The following ITGAV variants were observed in gnomAD, a reference collection of about 807,000 sequenced individuals.
ITGAV encodes the protein integrin alpha-V.
A neutral mutation model predicts 143.8 loss-of-function variants in ITGAV; 76 were observed. The observed-to-expected ratio is 0.53, with a 90% CI of 0.44 to 0.64. The LOEUF is 0.64. ITGAV is among the 30% of genes least tolerant of loss of function. The pLI is 0.00. For synonymous variants in ITGAV, 453 were observed against 446.7 expected, an observed-to-expected ratio of 1.01 and a Z score of -0.18; for missense variants, 1,193 against 1,274.7, an observed-to-expected ratio of 0.94 and a Z score of 0.98.
At chr2:186,646,559 C>T in intron 12 of ITGAV, 127 bp from the exon 13 acceptor site, 1 of 600,512 alleles carries the variant, frequency 1.7e-6, no homozygotes, top group East Asian at 2.8e-5. Flanking sequence ...ATTACAAGTA[C>T]TGAAACTTTC....
chr2:186,668,845 G>T lies in ITGAV; in HGVS notation c.2517G>T (p.Leu839Phe). The T allele has an allele frequency of 6.2e-7, 1 of 1,612,712 alleles. No individual in the cohort carries two copies. Among genetic ancestry groups the T allele is most frequent in the Non-Finnish European group, 8.5e-7 (1 of 1,178,922 alleles). ...WPYKYNNNTL[L>F]YILHYDIDGP... The stretch of plus-strand genomic sequence containing the variant: ...ACAAATATAATAATAACACTCTGTT[G>T]TATATCCTTCATTATGATATTGATG... The change falls in exon 25 of 30, where the codon TTG becomes TTT. Residue 839 changes from leucine (L) to phenylalanine (F), a missense_variant. Leu to Phe is a conservative substitution (Grantham distance 22). Coordinates refer to ENST00000261023, the MANE Select transcript of ITGAV (RefSeq NM_002210.5).
chr2:186,639,054 A>G (rs1334354482), intron 10 of ITGAV, among the ~76,000 whole-genome samples: 2 of 152,118 alleles, frequency 1.3e-5, no homozygotes, highest in African/African-American at 2.4e-5. Context: ...AACAGAAAGC[A>G]TGGCACAGAT....
At chr2:186,602,841 C>A (rs1477428459) in intron 2 of ITGAV, among the ~76,000 whole-genome samples, 1 of 147,196 alleles carries the variant, frequency 6.8e-6, no homozygotes, top group Non-Finnish European at 1.5e-5. Context: ...TGCGCCACTG[C>A]ACTCTAGCCT....
At chr2:186,613,374 A>G (rs1687270343) in intron 2 of ITGAV, among the ~76,000 whole-genome samples, 1 of 152,166 alleles carries the variant, frequency 6.6e-6, no homozygotes, top group Non-Finnish European at 1.5e-5. Context: ...TGGTAGTAAT[A>G]ACTAACTAAC....
chr2:186,641,895 C>T (rs1356712381), intron 12 of ITGAV, among the ~76,000 whole-genome samples: 1 of 152,152 alleles, frequency 6.6e-6, no homozygotes, highest in Non-Finnish European at 1.5e-5. Context: ...GTATGTGTTT[C>T]TGCATCCTGC....
rs1688105923 is a variant in ITGAV, at chr2:186,641,604, A to C, written c.1159+16A>C. 5.6e-6 allele frequency: 9 copies of C among 1,606,344 alleles called. No individual in the cohort carries two copies. The highest frequency in any genetic ancestry group is 2.2e-5 in the South Asian group (2 of 90,904). Reference sequence around the variant, plus strand: ...GGTTTCAATGGTAAGATCAAAGTTTAGCAGCTACAGGTCCCTGATTATCTG... The same window carrying C: ...GGTTTCAATGGTAAGATCAAAGTTTCGCAGCTACAGGTCCCTGATTATCTG... On this transcript the variant is annotated intron_variant, in intron 12 of 29. Transcript: ENST00000261023.
At chr2:186,638,631 C>CATGT (rs1481672332) in intron 10 of ITGAV, among the ~76,000 whole-genome samples, 166 bp downstream of exon 10, 5 of 144,794 alleles carry the variant, frequency 3.5e-5, no homozygotes, top group African/African-American at 1.3e-4. Context: ...CTCTTTTGAG[C>CATGT]GTGTGTGTGT....
At chr2:186,671,955 T>TTC (rs776159707) in intron 26 of ITGAV, among the ~76,000 whole-genome samples, 1 of 148,734 alleles carries the variant, frequency 6.7e-6, no homozygotes, top group Non-Finnish European at 1.5e-5. Flanking sequence ...CTTTTTTTTT[T>TTC]TTTTTTCTTT....
At chr2:186,608,406 C>T (rs890466819) in intron 2 of ITGAV, among the ~76,000 whole-genome samples, 1 of 152,140 alleles carries the variant, frequency 6.6e-6, no homozygotes, top group African/African-American at 2.4e-5. Context: ...TATATTCCTT[C>T]CTACAAAAAA....
At chr2:186,667,798 C>T in intron 24 of ITGAV, 22 bp downstream of exon 24, 3 of 1,498,276 alleles carry the variant, frequency 2.0e-6, no homozygotes, top group Non-Finnish European at 2.8e-6. Context: ...TTAGATTTTA[C>T]TCAAACCTCG....
intron 19 of ITGAV, 117 bp from the exon 20 acceptor site, chr2:186,664,377 C>T: frequency 1.0e-6 from 1 of 971,452 alleles, no homozygotes; most frequent in Non-Finnish European, 1.5e-6. Context: ...CTTAAAATAC[C>T]TTGAGACACT....
intron 12 of ITGAV, among the ~76,000 whole-genome samples, chr2:186,645,474 C>T (rs896724730): frequency 2.7e-5 from 4 of 149,642 alleles, no homozygotes; most frequent in African/African-American, 4.9e-5. Flanking sequence ...AACTGGATGG[C>T]GTGGGGGTGG....
chr2:186,599,734 G>A (rs1686845158), intron 1 of ITGAV, among the ~76,000 whole-genome samples: 1 of 152,208 alleles, frequency 6.6e-6, no homozygotes, highest in South Asian at 2.1e-4. Context: ...TTGAACTCCT[G>A]TAAGTACTTA....
At chr2:186,639,785 A>G (rs1051865842) in intron 10 of ITGAV, among the ~76,000 whole-genome samples, 1 of 152,176 alleles carries the variant, frequency 6.6e-6, no homozygotes, top group Non-Finnish European at 1.5e-5. Flanking sequence ...AAACATTCGA[A>G]TCATAGTGCC....
At chr2:186,670,167 C>A (rs1574503720) in intron 26 of ITGAV, among the ~76,000 whole-genome samples, 2 of 152,160 alleles carry the variant, frequency 1.3e-5, no homozygotes, top group African/African-American at 4.8e-5. Context: ...TAATAATTAG[C>A]ACTTGATTAA....
chr2:186,628,806 C>A (rs930709767), intron 4 of ITGAV, among the ~76,000 whole-genome samples: 6 of 151,874 alleles, frequency 4.0e-5, no homozygotes, highest in Non-Finnish European at 7.4e-5. Flanking sequence ...TTGGCTTTTC[C>A]TTTCCTTTTG....
At chr2:186,620,788 ATAAAG>A (rs1325124626) in intron 2 of ITGAV, among the ~76,000 whole-genome samples, 1 of 152,182 alleles carries the variant, frequency 6.6e-6, no homozygotes, top group Non-Finnish European at 1.5e-5. Context: ...GATTGATTAA[ATAAAG>A]TATTCTATGG....
Position 186,590,411 on chromosome 2 carries a change from C to A in ITGAV, c.73C>A (p.Leu25Ile). 6.2e-7 allele frequency: 1 copy of A among 1,612,484 alleles called. No individual in the cohort carries two copies. Among genetic ancestry groups the A allele is most frequent in the Non-Finnish European group, 8.5e-7 (1 of 1,179,590 alleles). ...CCCGCTTCTTCTCTCGGGACTCCTG[C>A]TACCTCTGTGCCGCGCCTTCAACCT... The part of the protein sequence containing the change: ...GLPLLLSGLL[L>I]PLCRAFNLDV... The change falls in exon 1 of 30, where the codon CTA becomes ATA. Residue 25 changes from leucine (L) to isoleucine (I), a missense_variant. Coordinates refer to ENST00000261023, the MANE Select transcript of ITGAV (RefSeq NM_002210.5).
At chr2:186,606,457 A>G (rs1687068267) in intron 2 of ITGAV, among the ~76,000 whole-genome samples, 1 of 152,154 alleles carries the variant, frequency 6.6e-6, no homozygotes, top group African/African-American at 2.4e-5. Flanking sequence ...ATAGGTGAAG[A>G]CTTCTAAAGT....
Sources: allele counts gnomAD v4.1 joint callset (sites outside exome capture counted in the v4.1 genomes callset), GRCh38; gene constraint gnomAD v4.1.1; transcripts MANE v1.5; gene names NCBI Gene and HGNC (gene_info 2026-07-23, HGNC 2026-07-21).